Variants in SPOCK3 observed in about 807,000 individuals in gnomAD.
The protein encoded by SPOCK3 is testican-3.
Under a neutral mutation model 56.6 loss-of-function variants are expected in SPOCK3, and 30 were observed. That is an observed-to-expected ratio of 0.53 (90% CI 0.40 to 0.72). The LOEUF (loss-of-function observed/expected upper bound fraction) is 0.72, where lower values mean the gene tolerates loss of function less well. SPOCK3 is among the 30% of genes least tolerant of loss of function. The pLI, the probability that SPOCK3 is intolerant of heterozygous loss-of-function variation, is 0.00. For missense variants in SPOCK3, 527 were observed against 530.0 expected (o/e 0.99, Z 0.06); for synonymous variants, 196 against 183.3 (o/e 1.07, Z -0.56).
intron 2 of SPOCK3, among the ~76,000 whole-genome samples, chr4:167,096,794 A>G (rs951887129): frequency 1.9e-4 from 29 of 151,770 alleles, no homozygotes; most frequent in African/African-American, 6.5e-4. Flanking sequence ...ACTATTGTAC[A>G]TTCATTTGTA....
At chr4:166,802,979 T>C (rs1040880080) in intron 6 of SPOCK3, among the ~76,000 whole-genome samples, 1 of 152,134 alleles carries the variant, frequency 6.6e-6, no homozygotes, top group Non-Finnish European at 1.5e-5. Context: ...GAGTCTGCGG[T>C]AGTGGTGTTT....
intron 2 of SPOCK3, among the ~76,000 whole-genome samples, chr4:167,087,371 T>C (rs201997437): frequency 9.4e-6 from 1 of 106,060 alleles, no homozygotes; most frequent in East Asian, 2.8e-4. Context: ...TTTCAAAACA[T>C]GTGTCATCAC....
chr4:167,213,741 C>T (rs1364273482), intron 2 of SPOCK3, among the ~76,000 whole-genome samples: 1 of 149,034 alleles, frequency 6.7e-6, no homozygotes, highest in African/African-American at 2.6e-5. Context: ...CTTGCATTAC[C>T]AGTGTTTGAT....
At chr4:167,203,194 G>C (rs1408963398) in intron 2 of SPOCK3, among the ~76,000 whole-genome samples, 2 of 151,844 alleles carry the variant, frequency 1.3e-5, no homozygotes, top group African/African-American at 4.8e-5. Context: ...CTTATGAGTA[G>C]TATTACTACA....
intron 2 of SPOCK3, among the ~76,000 whole-genome samples, chr4:167,168,568 G>A (rs28775385): frequency 0.18 from 27,231 of 151,982 alleles, 2,628 homozygotes; most frequent in Admixed American, 0.26. Context: ...CTAGAGATCT[G>A]TGGAACTTTG....
chr4:166,856,287 C>G (rs1333108001), intron 6 of SPOCK3, among the ~76,000 whole-genome samples: 1 of 151,974 alleles, frequency 6.6e-6, no homozygotes, highest in Non-Finnish European at 1.5e-5. Context: ...AGCATGGTGA[C>G]TGTAGTTAAT....
chr4:167,167,402 A>C (rs1369640426), intron 2 of SPOCK3, among the ~76,000 whole-genome samples: 2 of 152,176 alleles, frequency 1.3e-5, no homozygotes, highest in Non-Finnish European at 1.5e-5. Flanking sequence ...ATAAGACATG[A>C]TTTAAAAGTT....
In SPOCK3 at chr4:167,162,334, GA is replaced by G. The variant is rs201980089; in HGVS notation, c.189+71650del. Among the ~76,000 whole-genome samples the G allele has an allele frequency of 6.3e-3, 957 of 152,140 alleles. 7 individuals carry two copies. Among genetic ancestry groups the G allele is most frequent in the African/African-American group, 0.019 (805 of 41,554 alleles). On this transcript the variant is annotated intron_variant, in intron 2 of 10. Transcript: ENST00000357545. ...AGCCCCAGACTTAGCAATGGGTGAGGAAAATATTCTCCTCCCTACCCTGGGC... is the reference window on the plus strand; with the variant it reads ...AGCCCCAGACTTAGCAATGGGTGAGGAAATATTCTCCTCCCTACCCTGGGC...
chr4:166,921,972 A>C (rs2149978497), intron 4 of SPOCK3, among the ~76,000 whole-genome samples: 1 of 152,274 alleles, frequency 6.6e-6, no homozygotes, highest in Non-Finnish European at 1.5e-5. Context: ...AGTAGCCGTC[A>C]CCTGTTAGGA....
intron 2 of SPOCK3, among the ~76,000 whole-genome samples, chr4:167,151,572 C>A (rs1289743024): frequency 6.6e-6 from 1 of 151,750 alleles, no homozygotes; most frequent in African/African-American, 2.4e-5. Flanking sequence ...GTAGGTGGGA[C>A]TACAGGCACC....
chr4:166,894,037 T>C (rs1345492935), intron 5 of SPOCK3, among the ~76,000 whole-genome samples: 2 of 152,102 alleles, frequency 1.3e-5, no homozygotes, highest in Non-Finnish European at 2.9e-5. Flanking sequence ...AATGTCTTAA[T>C]TGCAGCATAC....
intron 2 of SPOCK3, among the ~76,000 whole-genome samples, chr4:167,185,862 C>T (rs1731904773): frequency 6.6e-6 from 1 of 152,158 alleles, no homozygotes; most frequent in South Asian, 2.1e-4. Context: ...CTTTCCTTCA[C>T]CCTTATCCCA....
At chr4:167,182,165 C>A (rs1731520894) in intron 2 of SPOCK3, among the ~76,000 whole-genome samples, 1 of 152,086 alleles carries the variant, frequency 6.6e-6, no homozygotes, top group African/African-American at 2.4e-5. Flanking sequence ...TTAGAGAATG[C>A]ATACTGCCTA....
intron 4 of SPOCK3, among the ~76,000 whole-genome samples, chr4:166,933,624 C>G (rs979743944): frequency 7.9e-5 from 12 of 152,144 alleles, no homozygotes; most frequent in African/African-American, 2.9e-4. Flanking sequence ...CATCTTATAG[C>G]AAGGCACCAA....
At chr4:166,934,010 A>C (rs1248335647) in intron 4 of SPOCK3, among the ~76,000 whole-genome samples, 1 of 152,198 alleles carries the variant, frequency 6.6e-6, no homozygotes, top group African/African-American at 2.4e-5. Flanking sequence ...CATCCATAGA[A>C]TGAAAACAGG....
At chr4:166,859,950 C>T (rs1731069569) in intron 6 of SPOCK3, among the ~76,000 whole-genome samples, 1 of 152,018 alleles carries the variant, frequency 6.6e-6, no homozygotes, top group South Asian at 2.1e-4. Context: ...CAAATATTTA[C>T]CAGTATCTAT....
intron 7 of SPOCK3, among the ~76,000 whole-genome samples, chr4:166,785,300 C>T (rs966930702): frequency 1.3e-5 from 2 of 151,852 alleles, no homozygotes; most frequent in African/African-American, 4.8e-5. Flanking sequence ...AATTAGGTGT[C>T]GATTGTTAAA....
chr4:166,840,414 G>A (rs936558511), intron 6 of SPOCK3, among the ~76,000 whole-genome samples: 1 of 152,128 alleles, frequency 6.6e-6, no homozygotes, highest in African/African-American at 2.4e-5. Flanking sequence ...TTGTCTAAAG[G>A]TTTCTCTCTT....
At chr4:167,232,374 TAG>T (rs1737268362) in intron 2 of SPOCK3, among the ~76,000 whole-genome samples, 1 of 149,262 alleles carries the variant, frequency 6.7e-6, no homozygotes, top group Admixed American at 6.6e-5. Flanking sequence ...CCAAAACAAA[TAG>T]AAAACAGCAT....
Sources: allele counts gnomAD v4.1 joint callset (sites outside exome capture counted in the v4.1 genomes callset), GRCh38; gene constraint gnomAD v4.1.1; transcripts MANE v1.5; gene names NCBI Gene and HGNC (gene_info 2026-07-23, HGNC 2026-07-21).